The following PPARGC1A variants were observed in gnomAD, a reference collection of about 807,000 sequenced individuals.
PPARGC1A encodes PPARG coactivator 1 alpha.
In PPARGC1A, 25 loss-of-function variants were observed where a neutral mutation model predicts 88.7. That is an observed-to-expected ratio of 0.28 (90% CI 0.21 to 0.39). The LOEUF (loss-of-function observed/expected upper bound fraction) is 0.39, where lower values mean the gene tolerates loss of function less well. Among genes scored for constraint, PPARGC1A ranks in the 10% least tolerant of loss-of-function variants. The pLI is 1.00. For missense variants in PPARGC1A, 880 were observed against 968.7 expected (o/e 0.91, Z 1.22); for synonymous variants, 363 against 355.6 (o/e 1.02, Z -0.24).
the PPARGC1A span, among the ~76,000 whole-genome samples, chr4:24,470,261 C>T: frequency 7.0e-6 from 1 of 142,288 alleles, no homozygotes; most frequent in Non-Finnish European, 1.5e-5. The surrounding 1 kb of genome is among the most constrained non-coding windows in gnomAD (Gnocchi z 5.8). Flanking sequence ...TGGTTTCTGA[C>T]TCATCGACAG....
chr4:24,164,878 G>T, the PPARGC1A span, among the ~76,000 whole-genome samples: 3 of 152,180 alleles, frequency 2.0e-5, no homozygotes, highest in South Asian at 6.2e-4. Context: ...TGAGATGGGG[G>T]TAAGGAGGTT....
chr4:23,989,989 G>A, the PPARGC1A span, among the ~76,000 whole-genome samples: 1 of 145,648 alleles, frequency 6.9e-6, no homozygotes, highest in African/African-American at 2.5e-5. Context: ...ACATATATAT[G>A]TATTTATATA....
chr4:24,208,337 G>C, the PPARGC1A span, among the ~76,000 whole-genome samples: 1 of 151,972 alleles, frequency 6.6e-6, no homozygotes, highest in Admixed American at 6.6e-5. Flanking sequence ...GGGAGGGAAG[G>C]AGAGAGGAAG....
the PPARGC1A span, among the ~76,000 whole-genome samples, chr4:24,275,770 C>T: frequency 1.3e-5 from 2 of 152,160 alleles, no homozygotes; most frequent in East Asian, 3.8e-4. Context: ...AACTCCATTC[C>T]CATCCTGGAT....
At chr4:24,068,949 G>C in the PPARGC1A span, among the ~76,000 whole-genome samples, 1 of 152,212 alleles carries the variant, frequency 6.6e-6, no homozygotes, top group Non-Finnish European at 1.5e-5. Flanking sequence ...GTAGTGAAAT[G>C]AGCATGGAAT....
At chr4:24,368,718 T>C in the PPARGC1A span, among the ~76,000 whole-genome samples, 1 of 152,148 alleles carries the variant, frequency 6.6e-6, no homozygotes, top group African/African-American at 2.4e-5. Flanking sequence ...GATTAATATT[T>C]TAATTAATTT....
chr4:24,467,466 G>A, the PPARGC1A span, among the ~76,000 whole-genome samples: 1 of 152,240 alleles, frequency 6.6e-6, no homozygotes, highest in South Asian at 2.1e-4. Context: ...CTTTGTAAAT[G>A]GAGGACATTC....
At chr4:23,998,450 C>G in the PPARGC1A span, among the ~76,000 whole-genome samples, 1 of 151,702 alleles carries the variant, frequency 6.6e-6, no homozygotes, top group African/African-American at 2.4e-5. Context: ...TTTTAGCCAT[C>G]ATGTTTCTAC....
At chr4:24,451,332 T>A in the PPARGC1A span, among the ~76,000 whole-genome samples, 5 of 152,244 alleles carry the variant, frequency 3.3e-5, no homozygotes, top group Non-Finnish European at 7.3e-5. Flanking sequence ...CCTCTGACTA[T>A]CCCTTTTTAG....
chr4:24,469,224 C>T, the PPARGC1A span, among the ~76,000 whole-genome samples: 77,871 of 152,124 alleles, frequency 0.51, 20,219 homozygotes, highest in South Asian at 0.59. Context: ...TAAAGTATCG[C>T]CTTTGTTGTA....
the PPARGC1A span, among the ~76,000 whole-genome samples, chr4:24,060,861 TG>T: frequency 0.014 from 2,187 of 152,276 alleles, 50 homozygotes; most frequent in African/African-American, 0.05. Context: ...TATAAGCCAG[TG>T]TTTCACATGA....
At chr4:24,377,779 A>G in the PPARGC1A span, among the ~76,000 whole-genome samples, 3 of 152,198 alleles carry the variant, frequency 2.0e-5, no homozygotes, top group African/African-American at 7.2e-5. Context: ...TTTTAAACTG[A>G]AAATTATTGT....
chr4:24,346,018 T>C, the PPARGC1A span, among the ~76,000 whole-genome samples: 1 of 152,246 alleles, frequency 6.6e-6, no homozygotes, highest in East Asian at 1.9e-4. Flanking sequence ...TAATGCTTTT[T>C]CTGCATCTAC....
the PPARGC1A span, among the ~76,000 whole-genome samples, chr4:23,949,327 A>AT: frequency 6.6e-6 from 1 of 152,158 alleles, no homozygotes; most frequent in African/African-American, 2.4e-5. Flanking sequence ...GCAACCATCG[A>AT]TTCTCTCTGT....
the PPARGC1A span, among the ~76,000 whole-genome samples, chr4:23,949,066 T>G: frequency 6.6e-6 from 1 of 152,184 alleles, no homozygotes; most frequent in East Asian, 1.9e-4. Context: ...ACAAGGCAAA[T>G]GGATAGCTTC....
chr4:23,797,267 G>A (rs868088331), intron 12 of PPARGC1A, among the ~76,000 whole-genome samples: 4 of 151,824 alleles, frequency 2.6e-5, no homozygotes, highest in Admixed American at 2.6e-4. Context: ...TGGCTTCAAC[G>A]CTTCTCTTCA....
the PPARGC1A span, among the ~76,000 whole-genome samples, chr4:24,189,590 G>A: frequency 6.6e-6 from 1 of 152,042 alleles, no homozygotes; most frequent in Non-Finnish European, 1.5e-5. Flanking sequence ...TACTACAAAT[G>A]AGAACTCCCC....
At chr4:23,988,921 ATATAC>A in the PPARGC1A span, among the ~76,000 whole-genome samples, 6 of 147,544 alleles carry the variant, frequency 4.1e-5, no homozygotes, top group East Asian at 1.9e-4. Flanking sequence ...ATTATATAAT[ATATAC>A]TATATTATAT....
chr4:23,896,062 G>C (rs1379504998), intron 1 of PPARGC1A, among the ~76,000 whole-genome samples: 1 of 151,392 alleles, frequency 6.6e-6, no homozygotes, highest in Non-Finnish European at 1.5e-5. Context: ...CATAATGGGA[G>C]AGTGTTCAAA....
Sources: allele counts gnomAD v4.1 joint callset (sites outside exome capture counted in the v4.1 genomes callset), GRCh38; gene constraint gnomAD v4.1.1; non-coding constraint Gnocchi (gnomAD v3.1); transcripts MANE v1.5; gene names NCBI Gene and HGNC (gene_info 2026-07-23, HGNC 2026-07-21).